Variants in CA5A observed in about 807,000 individuals in gnomAD.
The protein encoded by CA5A is carbonic anhydrase 5A, also known as carbonic anhydrase 5A, mitochondrial.
CA5A carries 28 observed loss-of-function variants against 37.1 expected under a neutral mutation model. The observed-to-expected ratio is 0.75, with a 90% CI of 0.56 to 1.03. The LOEUF (loss-of-function observed/expected upper bound fraction) is 1.03, where lower values mean the gene tolerates loss of function less well. Among genes scored for constraint, CA5A ranks in the 50% least tolerant of loss-of-function variants. The pLI, the probability that CA5A is intolerant of heterozygous loss-of-function variation, is 0.00. For synonymous variants in CA5A, 171 were observed against 158.4 expected (o/e 1.08, Z -0.60); for missense variants, 444 against 399.9 (o/e 1.11, Z -0.94).
chr16:87,891,302 T>G (rs1363458579), intron 6 of CA5A, among the ~76,000 whole-genome samples: 2 of 151,546 alleles, frequency 1.3e-5, no homozygotes, highest in Non-Finnish European at 2.9e-5. Context: ...ACTCCGTCTC[T>G]ACTAAAAATA....
chr16:87,925,872 GCTCCC>G (rs2056299585), intron 2 of CA5A, among the ~76,000 whole-genome samples: 1 of 151,778 alleles, frequency 6.6e-6, no homozygotes, highest in Admixed American at 6.6e-5. Flanking sequence ...TTTAACCCCT[GCTCCC>G]CTCCAGCCGC....
chr16:87,888,919 ATTT>A (rs56196809), intron 6 of CA5A, among the ~76,000 whole-genome samples: 3 of 136,112 alleles, frequency 2.2e-5, no homozygotes, highest in Non-Finnish European at 3.1e-5. Flanking sequence ...CGCCCGGCTA[ATTT>A]TTTTTTTTTT....
chr16:87,908,787 C>T (rs2056003509), intron 2 of CA5A, among the ~76,000 whole-genome samples: 1 of 152,060 alleles, frequency 6.6e-6, no homozygotes, highest in African/African-American at 2.4e-5. Flanking sequence ...CCGAGCTGTC[C>T]CAGAATTCTT....
intron 5 of CA5A, among the ~76,000 whole-genome samples, chr16:87,895,340 G>A (rs2055786236): frequency 1.3e-5 from 2 of 152,202 alleles, no homozygotes; most frequent in African/African-American, 4.8e-5. Flanking sequence ...GAGGTCAGGA[G>A]TTCGAGACCA....
intron 2 of CA5A, chr16:87,923,813 AT>A: frequency 7.1e-6 from 7 of 985,330 alleles, no homozygotes; most frequent in Non-Finnish European, 8.4e-6. Flanking sequence ...CAGGAGGAAT[AT>A]GAATCCCATA....
downstream of CA5A, chr16:87,884,567 C>CA (rs1213285823): frequency 0.21 from 23,090 of 111,716 alleles, 2,185 homozygotes; most frequent in South Asian, 0.31. Context: ...AACTCTGTCT[C>CA]AAAAAAAAAA....
chr16:87,923,291 C>T (rs1487579527), intron 2 of CA5A, among the ~76,000 whole-genome samples: 7 of 152,130 alleles, frequency 4.6e-5, no homozygotes, highest in Non-Finnish European at 8.8e-5. Context: ...CAAATTCAAG[C>T]GATTCTCCTG....
chr16:87,901,395 G>C (rs1351040229), intron 5 of CA5A, among the ~76,000 whole-genome samples: 3 of 152,178 alleles, frequency 2.0e-5, no homozygotes, highest in African/African-American at 7.2e-5. Context: ...TCCCAGAGCA[G>C]TGGTGATGCA....
chr16:87,911,093 C>T lies in CA5A; in HGVS notation c.341-6189G>A, dbSNP rs1347201119. Among the ~76,000 whole-genome samples, 1 of 125,868 alleles carries T rather than the reference C, an allele frequency of 7.9e-6. No homozygotes were observed. The highest frequency in any genetic ancestry group is 8.0e-5 in the Admixed American group (1 of 12,558). 82.6% of individuals were successfully genotyped at this position (125,868 alleles called of 152,430 possible). ...GACAATACAATGTCAGGGTATTCTC[C>T]TTAATCAAAAAAAAAAAAAAAAAAA... is the stretch of plus-strand genomic sequence containing the variant. On this transcript the variant is annotated intron_variant, in intron 2 of 6. Coordinates refer to ENST00000649794, the MANE Select transcript of CA5A (RefSeq NM_001739.2). The surrounding 1 kb of genome is among the most constrained non-coding windows in gnomAD (Gnocchi z 4.6).
chr16:87,931,476 C>T (rs2056404312), intron 1 of CA5A, among the ~76,000 whole-genome samples: 2 of 152,190 alleles, frequency 1.3e-5, no homozygotes, highest in Non-Finnish European at 2.9e-5. Flanking sequence ...TGGGCCAAAA[C>T]CCTGGCGGCT....
At chr16:87,929,630 T>C (rs1424457530) in intron 1 of CA5A, among the ~76,000 whole-genome samples, 1 of 151,998 alleles carries the variant, frequency 6.6e-6, no homozygotes, top group African/African-American at 2.4e-5. Context: ...CCCAGCACTT[T>C]GGGAGGCCGA....
chr16:87,903,835 T>A (rs565818779), intron 3 of CA5A, among the ~76,000 whole-genome samples: 2 of 152,220 alleles, frequency 1.3e-5, no homozygotes, highest in Non-Finnish European at 2.9e-5. Flanking sequence ...AAAATGATCA[T>A]CACAGGACTG....
chr16:87,907,414 C>A (rs4843276), intron 2 of CA5A, among the ~76,000 whole-genome samples: 7,361 of 152,032 alleles, frequency 0.048, 203 homozygotes, highest in Middle Eastern at 0.14. Context: ...GAGGGTGGAG[C>A]CTCCCAGGGG....
At chr16:87,885,163 A>AAAAACAAAAC (rs201119238), downstream of CA5A, 712 of 166,136 alleles carry the variant, frequency 4.3e-3, 4 homozygotes, top group Non-Finnish European at 5.8e-3. Context: ...ACTCCATCTC[A>AAAAACAAAAC]AAAACAAAAC....
rs562577330 is a variant in CA5A, at chr16:87,932,326, G to C, written c.142+3983C>G. Among the ~76,000 whole-genome samples, 328 of 152,278 alleles carry C rather than the reference G, an allele frequency of 2.2e-3. 1 individual carries two copies. The highest frequency in any genetic ancestry group is 3.2e-3 in the Non-Finnish European group (221 of 68,018). ...GGAGGTGCTCATCTAGACCAGAGACGCAGGCTTCCCTGGCTCACAGAGACA... is the reference window on the plus strand; with the variant it reads ...GGAGGTGCTCATCTAGACCAGAGACCCAGGCTTCCCTGGCTCACAGAGACA... On this transcript the variant is annotated intron_variant, in intron 1 of 6. Coordinates refer to ENST00000649794, the MANE Select transcript of CA5A (RefSeq NM_001739.2).
chr16:87,933,550 AT>A lies in CA5A; in HGVS notation c.142+2758del, dbSNP rs113398551. Among the ~76,000 whole-genome samples the A allele has an allele frequency of 4.6e-3, 651 of 140,856 alleles. 3 individuals carry two copies. Among genetic ancestry groups the A allele is most frequent in the African/African-American group, 8.7e-3 (334 of 38,304 alleles). 92.4% of individuals were successfully genotyped at this position (140,856 alleles called of 152,430 possible). A position where few individuals can be genotyped will look rare whatever the true frequency, so the allele number is the denominator to read the frequency against. ...GCCACCATGTCCAGTTAATTTTTTAATTTTTTTTTTTTTTTAGAGATGGGTT... is the reference window on the plus strand; with the variant it reads ...GCCACCATGTCCAGTTAATTTTTTAATTTTTTTTTTTTTTAGAGATGGGTT... On this transcript the variant is annotated intron_variant, in intron 1 of 6. Transcript: ENST00000649794.
intron 3 of CA5A, among the ~76,000 whole-genome samples, chr16:87,904,457 C>T (rs1364857381): frequency 6.6e-6 from 1 of 152,238 alleles, no homozygotes; most frequent in Non-Finnish European, 1.5e-5. Flanking sequence ...CTAGTCCCTA[C>T]AGCTGCAAGC....
chr16:87,931,139 T>A (rs1191678671), intron 1 of CA5A, among the ~76,000 whole-genome samples: 1 of 147,812 alleles, frequency 6.8e-6, no homozygotes, highest in East Asian at 2.0e-4. Context: ...TGAGATTGAG[T>A]CTCACTCTGT....
chr16:87,897,278 A>G (rs2055817687), intron 5 of CA5A, among the ~76,000 whole-genome samples: 1 of 152,272 alleles, frequency 6.6e-6, no homozygotes. Flanking sequence ...GGGGGACCCC[A>G]GCAGCCTGAG....
Sources: gnomAD v4.1 joint callset for allele counts (sites outside exome capture counted in the v4.1 genomes callset) on GRCh38, gnomAD v4.1.1 for gene constraint, Gnocchi (gnomAD v3.1) non-coding constraint, MANE v1.5 for transcripts, NCBI Gene and HGNC (gene_info 2026-07-23, HGNC 2026-07-21) for gene names.